The following ARHGEF28 variants were observed in gnomAD, a reference collection of about 807,000 sequenced individuals.
ARHGEF28 encodes Rho guanine nucleotide exchange factor 28.
In ARHGEF28, 152 loss-of-function variants were observed where a neutral mutation model predicts 206.6. The ratio of observed to expected loss-of-function variants is 0.74; its 90% CI spans 0.64 to 0.84. ARHGEF28 has a LOEUF of 0.84. Among genes scored for constraint, ARHGEF28 ranks in the 40% least tolerant of loss-of-function variants. The probability of loss-of-function intolerance (pLI) is 0.00; values close to 1 mark genes in which losing one functional copy is unlikely to be tolerated. For missense variants in ARHGEF28, 2,028 were observed against 2,073.2 expected (o/e 0.98, Z 0.42); for synonymous variants, 763 against 776.4 (o/e 0.98, Z 0.29).
chr5:73,870,179 GA>G lies in ARHGEF28; in HGVS notation c.2537del (p.Asp846ValfsTer12). ...DPSFCNRQEK[D>X]VIKRQDVIFE... ...CTCATTTTGTAATAGGCAGGAGAAGGATGTCATCAAAAGACAGGATGTCATT... is the reference window on the plus strand; with the variant it reads ...CTCATTTTGTAATAGGCAGGAGAAGGTGTCATCAAAAGACAGGATGTCATT... On this transcript the variant is annotated frameshift_variant, in exon 21 of 36. Transcript: ENST00000513042. LOFTEE classifies it high-confidence loss of function. The G allele has an allele frequency of 6.2e-7, 1 of 1,613,838 alleles. No homozygotes were observed. Among genetic ancestry groups the G allele is most frequent in the Non-Finnish European group, 8.5e-7 (1 of 1,179,844 alleles).
intron 9 of ARHGEF28, among the ~76,000 whole-genome samples, chr5:73,826,352 C>T (rs1756904727): frequency 6.6e-6 from 1 of 152,120 alleles, no homozygotes; most frequent in Non-Finnish European, 1.5e-5. Context: ...TCATAAAGGT[C>T]TAGAGTTAAA....
rs983251584 is a variant in ARHGEF28 at position 73,850,010 on chromosome 5, A to G, written c.1747+923A>G. On this transcript the variant is annotated intron_variant, in intron 13 of 35. Transcript: ENST00000513042. ...AAGTACTCTGAAGTACTACTCAAAT[A>G]TTTTCTTAAGATAAAATATTTAAAA... Among the ~76,000 whole-genome samples the G allele has an allele frequency of 4.6e-5, 7 of 150,622 alleles. No individual in the cohort carries two copies. The Admixed American group carries it at 4.7e-4, about 10-fold the overall frequency.
intron 2 of ARHGEF28, among the ~76,000 whole-genome samples, chr5:73,734,281 G>A (rs182446251): frequency 8.7e-4 from 133 of 152,322 alleles, no homozygotes; most frequent in Middle Eastern, 3.4e-3. Context: ...GTTGGGATGA[G>A]ATGGCCTGAA....
At position 73,882,521 on chromosome 5, in the gene ARHGEF28, G is replaced by C. The variant is rs1323364547; in HGVS notation, c.2864G>C (p.Cys955Ser). ...ATGAAGAAAATATATGGAGAATTCT[G>C]TTGCCATCATAAAGAAGCTGTTAAC... ...SKMKKIYGEF[C>S]CHHKEAVNLF... Residue 955 changes from cysteine to serine, a missense_variant, in exon 23 of 36, where the codon TGT becomes TCT. Transcript: ENST00000513042. 1 of 1,503,970 alleles carries C rather than the reference G, an allele frequency of 6.6e-7. No individual in the cohort carries two copies. Among genetic ancestry groups the C allele is most frequent in the Admixed American group, 2.2e-5 (1 of 44,758 alleles). The allele number at this position is 1,503,970 out of a possible 1,614,324, so 93.2% of individuals were successfully genotyped here. A position where few individuals can be genotyped will look rare whatever the true frequency, so the allele number is the denominator to read the frequency against.
intron 26 of ARHGEF28, among the ~76,000 whole-genome samples, chr5:73,888,039 C>A (rs993081966): frequency 1.3e-5 from 2 of 152,168 alleles, no homozygotes; most frequent in African/African-American, 2.4e-5. Flanking sequence ...CTCTCTTCCC[C>A]GCCCCTTCGG....
At chr5:73,930,687 A>C (rs528087111) in intron 35 of ARHGEF28, among the ~76,000 whole-genome samples, 46 of 152,270 alleles carry the variant, frequency 3.0e-4, no homozygotes, top group African/African-American at 1.1e-3. Flanking sequence ...GAGACTAACC[A>C]TCTGCCTTGT....
chr5:73,700,967 G>A (rs1748562846), intron 2 of ARHGEF28, among the ~76,000 whole-genome samples: 1 of 152,086 alleles, frequency 6.6e-6, no homozygotes, highest in Non-Finnish European at 1.5e-5. Flanking sequence ...GTCCAAGATT[G>A]GCTTTCATAA....
chr5:73,763,437 T>C (rs1315517322), intron 4 of ARHGEF28, among the ~76,000 whole-genome samples: 1 of 152,194 alleles, frequency 6.6e-6, no homozygotes, highest in African/African-American at 2.4e-5. Context: ...AATGGCCAGT[T>C]TCCTGGTTGT....
chr5:73,893,390 T>G, intron 28 of ARHGEF28, 102 bp downstream of exon 28: 1 of 907,792 alleles, frequency 1.1e-6, no homozygotes, highest in South Asian at 3.6e-5. Context: ...TGATTCATCC[T>G]GTGCACCTGA....
intron 1 of ARHGEF28, among the ~76,000 whole-genome samples, chr5:73,650,646 T>A (rs965670139): frequency 6.7e-6 from 1 of 148,196 alleles, no homozygotes; most frequent in East Asian, 2.0e-4. Flanking sequence ...TTCTTCTTAA[T>A]TTTTTTTTTT....
intron 1 of ARHGEF28, among the ~76,000 whole-genome samples, chr5:73,664,464 G>A (rs1745817883): frequency 6.6e-6 from 1 of 152,168 alleles, no homozygotes; most frequent in South Asian, 2.1e-4. Flanking sequence ...TGGGCAAGGT[G>A]CTCAACCTCC....
intron 33 of ARHGEF28, chr5:73,909,068 C>T (rs1047672775): frequency 5.2e-6 from 1 of 193,360 alleles, no homozygotes; most frequent in African/African-American, 2.3e-5. Flanking sequence ...CAGGAATGCA[C>T]AGCCTTGTGA....
intron 1 of ARHGEF28, 35 bp from the exon 2 acceptor site, chr5:73,684,806 G>C: frequency 6.3e-7 from 1 of 1,596,674 alleles, no homozygotes; most frequent in South Asian, 1.1e-5. Flanking sequence ...GGGGCCTCCT[G>C]CAATAACTTC....
At position 73,898,018 on chromosome 5, in the gene ARHGEF28, T is replaced by G; in HGVS notation, c.3898T>G (p.Cys1300Gly). Residue 1300 changes from cysteine to glycine, a missense_variant, in exon 30 of 36, where the codon TGT becomes GGT. Around this residue, in one of 3 missense-constraint regions of ARHGEF28, gnomAD observed 803 missense variants for 768.0 expected, o/e 1.05. Coordinates refer to ENST00000513042, the MANE Select transcript of ARHGEF28 (RefSeq NM_001177693.2). ...ACAGATGGGCGCCGTGAGTCAATCATGTGAGGACAGTTGTGGAGACTCTGT... is the reference window on the plus strand; with the variant it reads ...ACAGATGGGCGCCGTGAGTCAATCAGGTGAGGACAGTTGTGGAGACTCTGT... ...ASQMGAVSQS[C>G]EDSCGDSVLA... 1 of 1,608,418 alleles carries G rather than the reference T, an allele frequency of 6.2e-7. No homozygotes were observed. The highest frequency in any genetic ancestry group is 8.5e-7 in the Non-Finnish European group (1 of 1,177,308).
intron 1 of ARHGEF28, among the ~76,000 whole-genome samples, chr5:73,677,888 A>C (rs1746805012): frequency 6.6e-6 from 1 of 152,252 alleles, no homozygotes; most frequent in Non-Finnish European, 1.5e-5. Flanking sequence ...AAACTTGGTA[A>C]TTGCAGATGA....
intron 7 of ARHGEF28, 69 bp downstream of exon 7, chr5:73,780,814 T>C: frequency 6.6e-7 from 1 of 1,509,916 alleles, no homozygotes; most frequent in Non-Finnish European, 9.0e-7. Context: ...ACCAGTCCGT[T>C]GAAGTGTGTG....
intron 1 of ARHGEF28, among the ~76,000 whole-genome samples, chr5:73,658,968 CA>C (rs1409734540): frequency 8.7e-6 from 1 of 114,440 alleles, no homozygotes; most frequent in African/African-American, 3.4e-5. Flanking sequence ...CAGGTACACA[CA>C]CACACACACA....
intron 9 of ARHGEF28, chr5:73,803,432 A>T (rs1361985206): frequency 6.5e-6 from 1 of 154,094 alleles, no homozygotes; most frequent in East Asian, 1.9e-4. Flanking sequence ...GGTCCTCCAG[A>T]TGCCTGTGGC....
chr5:73,901,010 C>T (rs754577690), intron 30 of ARHGEF28, 174 bp from the exon 31 acceptor site: 1 of 539,268 alleles, frequency 1.9e-6, no homozygotes, highest in Non-Finnish European at 3.4e-6. Flanking sequence ...TGGGCAGGGA[C>T]CACATGCATT....
Sources: allele counts gnomAD v4.1 joint callset (sites outside exome capture counted in the v4.1 genomes callset), GRCh38; gene constraint gnomAD v4.1.1; regional missense constraint gnomAD v4.1.1; transcripts MANE v1.5; gene names NCBI Gene and HGNC (gene_info 2026-07-23, HGNC 2026-07-21).